Variants in BPI observed in about 807,000 individuals in gnomAD.
The protein encoded by BPI is bactericidal permeability-increasing protein.
BPI carries 48 observed loss-of-function variants against 57.6 expected under a neutral mutation model. The observed-to-expected ratio is 0.83, with a 90% CI of 0.66 to 1.06. The LOEUF (loss-of-function observed/expected upper bound fraction) is 1.06, where lower values mean the gene tolerates loss of function less well. Ranked by LOEUF, BPI falls within the 50% of genes least tolerant of loss-of-function variation. The pLI, the probability that BPI is intolerant of heterozygous loss-of-function variation, is 0.00. For synonymous variants in BPI, 237 were observed against 238.2 expected (o/e 0.99, Z 0.05); for missense variants, 651 against 609.7 (o/e 1.07, Z -0.71).
chr20:38,335,776 C>T, intron 14 of BPI, 102 bp downstream of exon 14: 1 of 1,156,704 alleles, frequency 8.6e-7, no homozygotes, highest in Non-Finnish European at 1.3e-6. Context: ...TGTGAAGCGC[C>T]TTCTACCCTT....
chr20:38,327,685 C>A (rs748270566), intron 11 of BPI, 30 bp downstream of exon 11: 1 of 1,606,414 alleles, frequency 6.2e-7, no homozygotes, highest in Non-Finnish European at 8.5e-7. Flanking sequence ...GAGGAGGGGG[C>A]TGCCCCTCTG....
At chr20:38,335,928 C>T (rs188446464) in intron 14 of BPI, among the ~76,000 whole-genome samples, 3 of 152,322 alleles carry the variant, frequency 2.0e-5, no homozygotes, top group African/African-American at 7.2e-5. Flanking sequence ...ACGCTACACT[C>T]GGCAAAAATG....
At chr20:38,318,318 A>G in intron 5 of BPI, 95 bp from the exon 6 acceptor site, 1 of 1,371,364 alleles carries the variant, frequency 7.3e-7, no homozygotes, top group Non-Finnish European at 1.0e-6. Flanking sequence ...TCAAGAAAAC[A>G]TTCAAGGAAA....
rs757310335 is a variant in BPI at position 38,307,632 on chromosome 20, G to A, written c.196G>A (p.Asp66Asn). ...GAGGATCAAGATTCCTGACTACTCA[G>A]ACAGCTTTAAGATCAAGCATCTTGG... ...LKRIKIPDYS[D>N]SFKIKHLGKG... The change falls in exon 2 of 15, where the codon GAC becomes AAC. Residue 66 changes from aspartate to asparagine, a missense_variant. Transcript: ENST00000642449. The A allele has an allele frequency of 1.9e-6, 3 of 1,612,208 alleles. No individual in the cohort carries two copies. The highest frequency in any genetic ancestry group is 2.5e-6 in the Non-Finnish European group (3 of 1,179,270).
At chr20:38,335,533 C>T in intron 13 of BPI, 65 bp from the exon 14 acceptor site, 1 of 1,462,020 alleles carries the variant, frequency 6.8e-7, no homozygotes, top group Non-Finnish European at 9.6e-7. Flanking sequence ...GGCTCTCTGG[C>T]CCTCCCTCCT....
Position 38,314,773 on chromosome 20 carries a change from G to GGAT in BPI, c.600+2847_600+2849dup, listed in dbSNP as rs529775697. On this transcript the variant is annotated intron_variant, in intron 5 of 14. Coordinates refer to ENST00000642449, the MANE Select transcript of BPI (RefSeq NM_001725.3). ...ATGATGGTGGTGATGGTAATGGTGG[G>GGAT]GATGATGATGATGGTGGTATGGTGA... Among the ~76,000 whole-genome samples the GGAT allele has an allele frequency of 2.5e-4, 37 of 146,294 alleles. No individual in the cohort carries two copies. The East Asian group carries it at 7.4e-3, about 29-fold the overall frequency.
chr20:38,307,486 C>T, intron 1 of BPI, 81 bp from the exon 2 acceptor site: 1 of 1,005,586 alleles, frequency 9.9e-7, no homozygotes. Flanking sequence ...AACAGGGGCC[C>T]AGGGTCCAGA....
intron 12 of BPI, among the ~76,000 whole-genome samples, chr20:38,331,834 A>G (rs2076744001): frequency 6.7e-6 from 1 of 148,942 alleles, no homozygotes; most frequent in Non-Finnish European, 1.5e-5. Flanking sequence ...ACAGAGTGAA[A>G]TCTTGTCTCA....
rs1568816465 is a variant in BPI, at chr20:38,324,795, CGACT to C, written c.959_962del (p.Leu320GlnfsTer19). 2 of 1,613,254 alleles carry C rather than the reference CGACT, an allele frequency of 1.2e-6. No homozygotes were observed. On this transcript the variant is annotated frameshift_variant, in exon 9 of 15. Coordinates refer to ENST00000642449, the MANE Select transcript of BPI (RefSeq NM_001725.3). LOFTEE classifies it high-confidence loss of function. ...ACAGATTCCAAAGGAGTCCAAATTT[CGACT>C]GACAACCAAGTTCTTTGGAACCTTC... is the stretch of plus-strand genomic sequence containing the variant.
In BPI at chr20:38,323,776, A is replaced by G; in HGVS notation, c.757-94A>G. 4 of 1,376,794 alleles carry G rather than the reference A, an allele frequency of 2.9e-6. No homozygotes were observed. In the Middle Eastern group the frequency reaches 7.5e-4, roughly 258 times the overall value. The allele number at this position is 1,376,794 out of a possible 1,614,324, so 85.3% of individuals were successfully genotyped here. On this transcript the variant is annotated intron_variant, in intron 7 of 14. Transcript: ENST00000642449. ...ATTGCTTTTTCCTTTGCAAGTGTAC[A>G]ATTGGTGTCTTCAGTCCATTTTTTC...
intron 2 of BPI, among the ~76,000 whole-genome samples, chr20:38,307,995 A>G (rs538576102): frequency 6.6e-6 from 1 of 152,336 alleles, no homozygotes; most frequent in South Asian, 2.1e-4. Context: ...ACATGGCCGG[A>G]AAGTCTCTGG....
chr20:38,325,938 G>A (rs951274199), intron 9 of BPI, among the ~76,000 whole-genome samples: 1 of 152,140 alleles, frequency 6.6e-6, no homozygotes, highest in Non-Finnish European at 1.5e-5. Flanking sequence ...GAGACCTGAA[G>A]GAAGGGAAAG....
At chr20:38,319,989 G>C (rs2076672856) in intron 6 of BPI, 194 bp from the exon 7 acceptor site, 2 of 596,014 alleles carry the variant, frequency 3.4e-6, no homozygotes, top group African/African-American at 3.7e-5. Flanking sequence ...AGAGTAAGGG[G>C]GTGTCTGTGA....
chr20:38,326,198 G>T, intron 9 of BPI, 67 bp from the exon 10 acceptor site: 1 of 1,505,984 alleles, frequency 6.6e-7, no homozygotes. Flanking sequence ...GGCAGGCCAA[G>T]GTAGGATTCA....
At chr20:38,312,053 G>A (rs2122502879) in intron 5 of BPI, 116 bp downstream of exon 5, 1 of 1,066,606 alleles carries the variant, frequency 9.4e-7, no homozygotes, top group Non-Finnish European at 1.4e-6. Context: ...TAGTCCTTAT[G>A]GCCCTTTGAA....
Position 38,304,290 on chromosome 20 carries a change from G to A in BPI, c.67G>A (p.Ala23Thr), listed in dbSNP as rs549000920. The A allele has an allele frequency of 8.7e-6, 14 of 1,614,146 alleles. No homozygotes were observed. The Middle Eastern group carries it at 5.0e-4, about 57-fold the overall frequency. ...SLMVLVAIGT[A>T]VTAAVNPGVV... ...GATGGTGCTGGTCGCCATAGGCACC[G>A]CCGTGACAGCGGCCGTCAACCCTGG... The change falls in exon 1 of 15, where the codon GCC (alanine) becomes ACC (threonine). Residue 23 changes from alanine (A) to threonine (T), a missense_variant. Coordinates refer to ENST00000642449, the MANE Select transcript of BPI (RefSeq NM_001725.3).
At chr20:38,332,350 G>C (rs919828531) in intron 12 of BPI, among the ~76,000 whole-genome samples, 1 of 152,318 alleles carries the variant, frequency 6.6e-6, no homozygotes, top group East Asian at 1.9e-4. Flanking sequence ...GTTTGTCCAC[G>C]TGAGATGCTG....
At chr20:38,311,964 CA>C (rs2076624268) in intron 5 of BPI, 27 bp downstream of exon 5, 1 of 1,609,546 alleles carries the variant, frequency 6.2e-7, no homozygotes, top group Admixed American at 1.7e-5. Context: ...GCCCCATCAG[CA>C]AACAGAGGAG....
At chr20:38,331,015 G>T (rs1436688223) in intron 11 of BPI, 33 bp from the exon 12 acceptor site, 1 of 1,611,462 alleles carries the variant, frequency 6.2e-7, no homozygotes, top group Admixed American at 1.7e-5. Context: ...TCAGGCAATT[G>T]GTGGTCTCAG....
Sources: allele counts gnomAD v4.1 joint callset (sites outside exome capture counted in the v4.1 genomes callset), GRCh38; gene constraint gnomAD v4.1.1; transcripts MANE v1.5; gene names NCBI Gene and HGNC (gene_info 2026-07-23, HGNC 2026-07-21).